RABGAP1L: variants seen among roughly 807,000 people sequenced by gnomAD.
RABGAP1L encodes RAB GTPase activating protein 1 like.
A neutral mutation model predicts 137.7 loss-of-function variants in RABGAP1L; 63 were observed. That is an observed-to-expected ratio of 0.46 (90% CI 0.37 to 0.56). The LOEUF is 0.56. Ranked by LOEUF, RABGAP1L falls within the 20% of genes least tolerant of loss-of-function variation. RABGAP1L has a pLI of 0.00. For synonymous variants in RABGAP1L, 431 were observed against 433.7 expected, an observed-to-expected ratio of 0.99 and a Z score of 0.08; for missense variants, 1,095 against 1,244.0, an observed-to-expected ratio of 0.88 and a Z score of 1.80.
chr1:174,459,077 A>G (rs1478958311), intron 13 of RABGAP1L, among the ~76,000 whole-genome samples: 1 of 152,142 alleles, frequency 6.6e-6, no homozygotes. Context: ...ACACTTAGCT[A>G]AGATGTATTG....
chr1:174,441,449 A>G, intron 13 of RABGAP1L, among the ~76,000 whole-genome samples: 1 of 152,244 alleles, frequency 6.6e-6, no homozygotes, highest in African/African-American at 2.4e-5. Flanking sequence ...AAGCTAGCAC[A>G]GTCAGCCAGG....
intron 2 of RABGAP1L, 129 bp downstream of exon 2, chr1:174,219,424 C>A: frequency 1.6e-6 from 1 of 622,782 alleles, no homozygotes; most frequent in Non-Finnish European, 2.4e-6. Context: ...TTGATTTATC[C>A]AGACCCTAAT....
At chr1:174,374,103 T>C (rs1363525200) in intron 12 of RABGAP1L, among the ~76,000 whole-genome samples, 5 of 152,210 alleles carry the variant, frequency 3.3e-5, no homozygotes, top group Admixed American at 6.5e-5. Context: ...GGTCCAACCA[T>C]GTGGATGTGA....
chr1:174,489,657 G>T (rs1350173062), intron 13 of RABGAP1L, among the ~76,000 whole-genome samples: 1 of 152,112 alleles, frequency 6.6e-6, no homozygotes, highest in Non-Finnish European at 1.5e-5. Flanking sequence ...AATAGCATTT[G>T]ACCCAGCCAT....
At chr1:174,935,922 G>A (rs1664702287) in intron 19 of RABGAP1L, among the ~76,000 whole-genome samples, 1 of 148,576 alleles carries the variant, frequency 6.7e-6, no homozygotes, top group Non-Finnish European at 1.5e-5. Flanking sequence ...CAGAGGAGGT[G>A]GTGAGCCAAG....
At chr1:174,239,898 T>A (rs1299271777) in intron 4 of RABGAP1L, among the ~76,000 whole-genome samples, 1 of 152,240 alleles carries the variant, frequency 6.6e-6, no homozygotes, top group Admixed American at 6.5e-5. Context: ...AAACTTTTGC[T>A]AAATTCCAAG....
At chr1:174,248,541 G>C (rs1255176443) in intron 5 of RABGAP1L, among the ~76,000 whole-genome samples, 2 of 152,126 alleles carry the variant, frequency 1.3e-5, no homozygotes, top group Non-Finnish European at 2.9e-5. Context: ...TGGCAGGTAG[G>C]ATTTCTGTAT....
At chr1:174,268,288 C>T (rs1674248625) in intron 7 of RABGAP1L, among the ~76,000 whole-genome samples, 1 of 151,620 alleles carries the variant, frequency 6.6e-6, no homozygotes, top group Non-Finnish European at 1.5e-5. Context: ...TAAGCTCTGC[C>T]TCCCGGGTTC....
intron 13 of RABGAP1L, among the ~76,000 whole-genome samples, chr1:174,622,347 T>A (rs989011107): frequency 7.2e-5 from 11 of 152,182 alleles, no homozygotes; most frequent in African/African-American, 2.7e-4. Flanking sequence ...AGCCATCCCA[T>A]TACTGGGTAT....
intron 11 of RABGAP1L, among the ~76,000 whole-genome samples, chr1:174,311,886 C>T (rs1485730368): frequency 2.0e-5 from 3 of 152,218 alleles, no homozygotes; most frequent in African/African-American, 7.2e-5. Context: ...GGATTACAGG[C>T]ATGAGCCACC....
At chr1:174,384,538 A>G (rs998638344) in intron 12 of RABGAP1L, among the ~76,000 whole-genome samples, 2 of 146,322 alleles carry the variant, frequency 1.4e-5, no homozygotes, top group Non-Finnish European at 3.0e-5. Flanking sequence ...AAAAAAAAAA[A>G]GAAATTTATG....
intron 13 of RABGAP1L, among the ~76,000 whole-genome samples, chr1:174,568,040 T>G (rs1187540411): frequency 1.3e-5 from 2 of 152,210 alleles, no homozygotes; most frequent in Non-Finnish European, 2.9e-5. Flanking sequence ...ACGTTTATTT[T>G]GTCACATGAT....
intron 13 of RABGAP1L, among the ~76,000 whole-genome samples, chr1:174,618,418 C>A (rs148626423): frequency 4.6e-5 from 7 of 152,178 alleles, no homozygotes; most frequent in Non-Finnish European, 2.9e-5. Context: ...ACATCTCACA[C>A]GGCCGAGTAC....
At chr1:174,249,646 C>A (rs1395438212) in intron 5 of RABGAP1L, among the ~76,000 whole-genome samples, 1 of 132,596 alleles carries the variant, frequency 7.5e-6, no homozygotes. Context: ...TTCTTTCTTT[C>A]TTTCTTTTTT....
At chr1:174,596,586 A>G (rs1669945699) in intron 13 of RABGAP1L, among the ~76,000 whole-genome samples, 1 of 152,130 alleles carries the variant, frequency 6.6e-6, no homozygotes, top group Admixed American at 6.5e-5. Context: ...ATTTTATGTA[A>G]TTTACTTCTC....
At chr1:174,712,106 C>T (rs930980495) in intron 17 of RABGAP1L, among the ~76,000 whole-genome samples, 1 of 152,180 alleles carries the variant, frequency 6.6e-6, no homozygotes, top group Non-Finnish European at 1.5e-5. Context: ...TCAAAACGGA[C>T]CAATCGGCTC....
At chr1:174,659,870 A>AAG (rs1427577737) in intron 14 of RABGAP1L, among the ~76,000 whole-genome samples, 1 of 152,188 alleles carries the variant, frequency 6.6e-6, no homozygotes. Flanking sequence ...TCAGTCTACA[A>AAG]ACATTGAATC....
intron 19 of RABGAP1L, among the ~76,000 whole-genome samples, chr1:174,927,695 G>C (rs1169579096): frequency 2.0e-5 from 3 of 152,130 alleles, no homozygotes; most frequent in African/African-American, 7.2e-5. Flanking sequence ...AGGACTATAG[G>C]TGCACACCAC....
chr1:174,354,419 A>G (rs1683445019), intron 11 of RABGAP1L, among the ~76,000 whole-genome samples: 1 of 152,012 alleles, frequency 6.6e-6, no homozygotes, highest in Non-Finnish European at 1.5e-5. Context: ...TTTAAAACTA[A>G]TTCTTTCTGT....
Sources: allele counts gnomAD v4.1 joint callset (sites outside exome capture counted in the v4.1 genomes callset), GRCh38; gene constraint gnomAD v4.1.1; transcripts MANE v1.5; gene names NCBI Gene and HGNC (gene_info 2026-07-23, HGNC 2026-07-21).